Variants in GRIK2 observed in about 807,000 individuals in gnomAD.
GRIK2 encodes glutamate receptor ionotropic, kainate 2.
A neutral mutation model predicts 100.3 loss-of-function variants in GRIK2; 32 were observed. The observed-to-expected ratio is 0.32, with a 90% confidence interval of 0.24 to 0.43. The LOEUF is 0.43. Among genes scored for constraint, GRIK2 ranks in the 20% least tolerant of loss-of-function variants. GRIK2 has a pLI of 1.00. For missense variants in GRIK2, 843 were observed against 1,114.9 expected, an observed-to-expected ratio of 0.76 and a Z score of 3.47; for synonymous variants, 417 against 389.4, an observed-to-expected ratio of 1.07 and a Z score of -0.83.
rs531485338 is a variant in GRIK2 at position 101,519,460 on chromosome 6, C to T, written c.116-102489C>T. ...TACTACTATTTTTCTTTTTTATTGA[C>T]ATGAAGAGACAGATTTCACAGTGTT... On this transcript the variant is annotated intron_variant, in intron 2 of 16. Coordinates refer to ENST00000369134, the MANE Select transcript of GRIK2 (RefSeq NM_021956.5). 3.9e-5 allele frequency among the ~76,000 whole-genome samples: 6 copies of T among 152,006 alleles called. No homozygotes were observed. The East Asian group carries it at 1.2e-3, about 29-fold the overall frequency.
chr6:102,065,832 C>G, intron 16 of GRIK2: 1 of 1,506,200 alleles, frequency 6.6e-7, no homozygotes, highest in African/African-American at 1.4e-5. Flanking sequence ...ACTATGTATT[C>G]CTCCCTATTT....
chr6:102,024,963 CAAAA>C (rs1418440016), intron 14 of GRIK2, among the ~76,000 whole-genome samples: 4 of 149,322 alleles, frequency 2.7e-5, no homozygotes, highest in South Asian at 4.2e-4. Flanking sequence ...AAATAAAAAA[CAAAA>C]ATAAATAAAT....
intron 2 of GRIK2, among the ~76,000 whole-genome samples, chr6:101,569,746 A>T (rs2128298566): frequency 6.6e-6 from 1 of 152,254 alleles, no homozygotes; most frequent in African/African-American, 2.4e-5. Flanking sequence ...GATATTAATT[A>T]GAGTACATCT....
At chr6:101,677,929 T>C (rs1389434758) in intron 5 of GRIK2, among the ~76,000 whole-genome samples, 1 of 152,190 alleles carries the variant, frequency 6.6e-6, no homozygotes, top group Non-Finnish European at 1.5e-5. Flanking sequence ...ATTGCTATAG[T>C]TTTATCTTTG....
intron 14 of GRIK2, among the ~76,000 whole-genome samples, chr6:101,976,060 G>A (rs1793360505): frequency 1.3e-5 from 2 of 151,922 alleles, no homozygotes; most frequent in South Asian, 4.1e-4. Flanking sequence ...GTCTGTCATT[G>A]TATTAGAAGG....
chr6:101,539,252 C>T (rs1462236129), intron 2 of GRIK2, among the ~76,000 whole-genome samples: 1 of 151,678 alleles, frequency 6.6e-6, no homozygotes, highest in African/African-American at 2.4e-5. Context: ...CTTATAACTA[C>T]CAGATTGTAA....
chr6:101,980,806 G>C (rs1793669055), intron 14 of GRIK2, among the ~76,000 whole-genome samples: 1 of 150,708 alleles, frequency 6.6e-6, no homozygotes, highest in Non-Finnish European at 1.5e-5. Context: ...AAAATAAACA[G>C]AGCATATAGT....
intron 2 of GRIK2, among the ~76,000 whole-genome samples, chr6:101,506,102 T>A (rs1182478897): frequency 6.6e-6 from 1 of 152,122 alleles, no homozygotes; most frequent in African/African-American, 2.4e-5. Flanking sequence ...TGTAGAATAA[T>A]TATTCTCATT....
intron 10 of GRIK2, among the ~76,000 whole-genome samples, chr6:101,853,141 A>G (rs1784235190): frequency 6.6e-6 from 1 of 152,206 alleles, no homozygotes; most frequent in Non-Finnish European, 1.5e-5. Context: ...GTAGAAAGCA[A>G]CCTAAAATAG....
intron 12 of GRIK2, among the ~76,000 whole-genome samples, chr6:101,906,795 G>A (rs1788262474): frequency 6.6e-6 from 1 of 151,692 alleles, no homozygotes; most frequent in Admixed American, 6.6e-5. Flanking sequence ...ACCACCTGTT[G>A]TCTACCTGAG....
chr6:101,959,956 C>T (rs891771635), intron 14 of GRIK2, among the ~76,000 whole-genome samples: 5 of 151,962 alleles, frequency 3.3e-5, no homozygotes, highest in African/African-American at 7.2e-5. Flanking sequence ...ATAAGTTTCC[C>T]CAGCTTTTTC....
intron 11 of GRIK2, among the ~76,000 whole-genome samples, chr6:101,862,171 C>A (rs1412085747): frequency 6.6e-6 from 1 of 152,044 alleles, no homozygotes; most frequent in Non-Finnish European, 1.5e-5. Context: ...AATGAGATTA[C>A]AGGGAGGGAA....
At chr6:101,607,194 G>A (rs1205483485) in intron 2 of GRIK2, among the ~76,000 whole-genome samples, 5 of 151,926 alleles carry the variant, frequency 3.3e-5, no homozygotes, top group Non-Finnish European at 5.9e-5. Flanking sequence ...CGTTTCAGTT[G>A]TGGCTTATGT....
intron 14 of GRIK2, among the ~76,000 whole-genome samples, chr6:101,954,364 T>C (rs1248233007): frequency 1.3e-5 from 2 of 152,092 alleles, no homozygotes; most frequent in African/African-American, 2.4e-5. Flanking sequence ...GTTTTTCAAA[T>C]TATTTAGGTC....
intron 8 of GRIK2, among the ~76,000 whole-genome samples, chr6:101,800,297 G>A (rs971335247): frequency 6.6e-6 from 1 of 151,676 alleles, no homozygotes; most frequent in African/African-American, 2.4e-5. Context: ...CCATTCTTAT[G>A]ACCATATATC....
At chr6:101,692,363 A>G (rs1211030297) in intron 7 of GRIK2, among the ~76,000 whole-genome samples, 1 of 152,162 alleles carries the variant, frequency 6.6e-6, no homozygotes, top group Non-Finnish European at 1.5e-5. Context: ...TAATGAATTG[A>G]TGAATTAACT....
At chr6:101,799,278 T>TGTGTGC (rs1491239174) in intron 7 of GRIK2, among the ~76,000 whole-genome samples, 1 of 53,456 alleles carries the variant, frequency 1.9e-5, no homozygotes, top group African/African-American at 1.7e-4. Flanking sequence ...ATGTACTCAT[T>TGTGTGC]GTGTGTGTGT....
At chr6:101,797,685 A>T (rs551339202) in intron 7 of GRIK2, among the ~76,000 whole-genome samples, 180 of 116,648 alleles carry the variant, frequency 1.5e-3, no homozygotes, top group African/African-American at 6.5e-3. Flanking sequence ...ACCATTATAT[A>T]TTTTTTTTAT....
intron 7 of GRIK2, among the ~76,000 whole-genome samples, chr6:101,760,319 A>T (rs1319143397): frequency 1.4e-4 from 18 of 126,080 alleles, no homozygotes; most frequent in Non-Finnish European, 2.8e-4. Flanking sequence ...TTAAATATAT[A>T]TATTTAATTA....
Sources: gnomAD v4.1 joint callset for allele counts (sites outside exome capture counted in the v4.1 genomes callset) on GRCh38, gnomAD v4.1.1 for gene constraint, MANE v1.5 for transcripts, NCBI Gene and HGNC (gene_info 2026-07-23, HGNC 2026-07-21) for gene names.